Variants in PAX3 observed in about 807,000 individuals in gnomAD.
PAX3 encodes paired box 3.
PAX3 carries 14 observed loss-of-function variants against 51.6 expected under a neutral mutation model. The ratio of observed to expected loss-of-function variants is 0.27; its 90% CI spans 0.18 to 0.42. The LOEUF (loss-of-function observed/expected upper bound fraction) is 0.42, where lower values mean the gene tolerates loss of function less well. Among genes scored for constraint, PAX3 ranks in the 10% least tolerant of loss-of-function variants. The pLI, the probability that PAX3 is intolerant of heterozygous loss-of-function variation, is 1.00. For synonymous variants in PAX3, 280 were observed against 253.4 expected, an observed-to-expected ratio of 1.11 and a Z score of -1.00; for missense variants, 540 against 642.8, an observed-to-expected ratio of 0.84 and a Z score of 1.73.
chr2:222,250,199 C>G (rs942029954), intron 4 of PAX3, among the ~76,000 whole-genome samples: 1 of 152,108 alleles, frequency 6.6e-6, no homozygotes, highest in South Asian at 2.1e-4. Flanking sequence ...CCTCAGAACA[C>G]AGCTGAAATA....
chr2:222,279,304 C>CGCGT (rs1553587586), intron 4 of PAX3, among the ~76,000 whole-genome samples: 4 of 148,034 alleles, frequency 2.7e-5, no homozygotes, highest in Admixed American at 7.0e-5. Flanking sequence ...CAAGCCTGTG[C>CGCGT]GTGTGTGTGT....
At chr2:222,261,407 CTAAA>C (rs762625337) in intron 4 of PAX3, among the ~76,000 whole-genome samples, 19 of 152,200 alleles carry the variant, frequency 1.2e-4, no homozygotes, top group South Asian at 1.2e-3. Flanking sequence ...GAAAAAAAAT[CTAAA>C]TACCTAGCAC....
intron 4 of PAX3, among the ~76,000 whole-genome samples, chr2:222,238,687 C>T (rs1345826579): frequency 1.3e-5 from 2 of 152,140 alleles, no homozygotes; most frequent in Admixed American, 6.5e-5. Flanking sequence ...ATGGTCTTTT[C>T]GTCAGTTTTA....
intron 4 of PAX3, chr2:222,262,518 T>C (rs1361919301): frequency 2.0e-5 from 3 of 152,110 alleles, no homozygotes; most frequent in Non-Finnish European, 2.9e-5. Flanking sequence ...TATAAATAGA[T>C]TCATTTTTTT....
intron 4 of PAX3, among the ~76,000 whole-genome samples, chr2:222,261,657 C>T (rs1693866984): frequency 1.3e-5 from 2 of 151,948 alleles, no homozygotes; most frequent in Admixed American, 6.6e-5. Context: ...TTCTACTTCC[C>T]TTCCCAAGTT....
chr2:222,201,921 C>T (rs540254930), intron 8 of PAX3, 23 bp downstream of exon 8: 2 of 1,614,008 alleles, frequency 1.2e-6, no homozygotes, highest in South Asian at 2.2e-5. Context: ...GAGAAATTGC[C>T]CCCTAAAAAG....
At chr2:222,217,760 A>T (rs996843940) in intron 7 of PAX3, among the ~76,000 whole-genome samples, 9 of 152,120 alleles carry the variant, frequency 5.9e-5, no homozygotes, top group Middle Eastern at 3.2e-3. Flanking sequence ...TTAGACATGA[A>T]CTCGTTGCTT....
chr2:222,230,746 T>C (rs764667002), intron 5 of PAX3, among the ~76,000 whole-genome samples: 37 of 151,412 alleles, frequency 2.4e-4, no homozygotes, highest in Non-Finnish European at 5.4e-4. Context: ...TCCCAGCTAC[T>C]TGGGAGACTG....
chr2:222,281,499 C>T (rs527374890), intron 4 of PAX3, among the ~76,000 whole-genome samples: 2 of 152,226 alleles, frequency 1.3e-5, no homozygotes, highest in African/African-American at 4.8e-5. Flanking sequence ...CTGCCACTTC[C>T]CTTCACCTGT....
chr2:222,265,411 T>A lies in PAX3; in HGVS notation c.586+28756A>T, dbSNP rs1356711160. 2.6e-5 allele frequency among the ~76,000 whole-genome samples: 4 copies of A among 152,178 alleles called. No individual in the cohort carries two copies. The East Asian group carries it at 7.7e-4, about 29-fold the overall frequency. On this transcript the variant is annotated intron_variant, in intron 4 of 8. Coordinates refer to ENST00000392070, the MANE Select transcript of PAX3 (RefSeq NM_181458.4). ...AGCCAGGCCTGTAATCCCAGCACTT[T>A]GGGAGGCCAAGGCGGGTGGATCATG...
chr2:222,220,401 C>T (rs1692147872), intron 6 of PAX3, 47 bp from the exon 7 acceptor site: 1 of 1,589,422 alleles, frequency 6.3e-7, no homozygotes, highest in Non-Finnish European at 8.6e-7. Flanking sequence ...TTTAGGCCAG[C>T]AGAGAAAGTT....
chr2:222,277,306 C>G (rs954449814), intron 4 of PAX3, among the ~76,000 whole-genome samples: 3 of 152,152 alleles, frequency 2.0e-5, no homozygotes, highest in African/African-American at 7.2e-5. Flanking sequence ...CCAGAGACTC[C>G]TAGACTCTCA....
Position 222,296,874 on chromosome 2 carries a change from A to T in PAX3, c.321+104T>A. On this transcript the variant is annotated intron_variant, in intron 2 of 8. Coordinates refer to ENST00000392070, the MANE Select transcript of PAX3 (RefSeq NM_181458.4). ...CGCACCTTCACAAACCTCAGAAATA[A>T]CTCATTGGAGAGCCCCAGATGTCAG... is the stretch of plus-strand genomic sequence containing the variant. The T allele has an allele frequency of 4.2e-6, 4 of 949,106 alleles. No homozygotes were observed. The Admixed American group carries it at 6.0e-5, about 14-fold the overall frequency. 58.8% of individuals were successfully genotyped at this position (949,106 alleles called of 1,614,324 possible).
intron 4 of PAX3, among the ~76,000 whole-genome samples, chr2:222,248,955 C>T (rs573732137): frequency 2.6e-5 from 4 of 152,254 alleles, no homozygotes; most frequent in African/African-American, 9.6e-5. Flanking sequence ...GTGATCAATT[C>T]TACTTCAGTC....
rs1248715475 is a variant in PAX3 at position 222,278,924 on chromosome 2, GT to G, written c.586+15242del. Among the ~76,000 whole-genome samples, 4 of 152,224 alleles carry G rather than the reference GT, an allele frequency of 2.6e-5. No individual in the cohort carries two copies. In the East Asian group the frequency reaches 7.7e-4, roughly 29 times the overall value. On this transcript the variant is annotated intron_variant, in intron 4 of 8. Transcript: ENST00000392070. ...ACCAGTTAAAGGCTTAACCAGTTGAGTTTCTTTTGTTTTTGTTGTTGTTGTT... is the reference window on the plus strand; with the variant it reads ...ACCAGTTAAAGGCTTAACCAGTTGAGTTCTTTTGTTTTTGTTGTTGTTGTT...
At chr2:222,294,009 G>C in intron 4 of PAX3, 158 bp downstream of exon 4, 3 of 1,544,552 alleles carry the variant, frequency 1.9e-6, no homozygotes, top group Non-Finnish European at 2.6e-6. Context: ...GTGTCCCTCT[G>C]GTCTTTCAGT....
Position 222,220,486 on chromosome 2 carries a change from G to T in PAX3, c.959-132C>A, listed in dbSNP as rs556844210. The T allele has an allele frequency of 9.5e-6, 8 of 844,840 alleles. No homozygotes were observed. The South Asian group carries it at 1.2e-4, about 12-fold the overall frequency. The allele number at this position is 844,840 out of a possible 1,614,324, so 52.3% of individuals were successfully genotyped here. A position where few individuals can be genotyped will look rare whatever the true frequency, so the allele number is the denominator to read the frequency against. On this transcript the variant is annotated intron_variant, in intron 6 of 8. Coordinates refer to ENST00000392070, the MANE Select transcript of PAX3 (RefSeq NM_181458.4). ...AAATCAAATGTTCACTTCAAACTGC[G>T]TTTCTTAACCTGCAGGTGTAGAATC...
At position 222,232,153 on chromosome 2, in the gene PAX3, C is replaced by T; in HGVS notation, c.717G>A (p.Glu239=). The change falls in exon 5 of 9, where the codon GAG becomes GAA. Residue 239 remains glutamate, a synonymous_variant. Transcript: ENST00000392070. ...EQLEELERAF[E]RTHYPDIYTR... The stretch of plus-strand genomic sequence containing the variant: ...TATAAATGTCAGGGTAATGAGTTCT[C>T]TCAAAAGCACGCTCCAGTTCCTCCA... 7.4e-6 allele frequency: 12 copies of T among 1,614,048 alleles called. No individual in the cohort carries two copies. Among genetic ancestry groups the T allele is most frequent in the South Asian group, 2.2e-5 (2 of 91,082 alleles).
At chr2:222,237,563 C>G (rs969140925) in intron 4 of PAX3, among the ~76,000 whole-genome samples, 1 of 152,166 alleles carries the variant, frequency 6.6e-6, no homozygotes, top group Non-Finnish European at 1.5e-5. Context: ...TCAACAAATA[C>G]TTATTTAAAT....
Sources: allele counts gnomAD v4.1 joint callset (sites outside exome capture counted in the v4.1 genomes callset), GRCh38; gene constraint gnomAD v4.1.1; transcripts MANE v1.5; gene names NCBI Gene and HGNC (gene_info 2026-07-23, HGNC 2026-07-21).